The following DCPS variants were observed in gnomAD, a reference collection of about 807,000 sequenced individuals.
DCPS encodes the protein decapping enzyme, scavenger.
In DCPS, 27 loss-of-function variants were observed where a neutral mutation model predicts 34.7. The observed-to-expected ratio is 0.78, with a 90% CI of 0.57 to 1.07. The LOEUF (loss-of-function observed/expected upper bound fraction) is 1.07, where lower values mean the gene tolerates loss of function less well. Among genes scored for constraint, DCPS ranks in the 50% least tolerant of loss-of-function variants. The pLI is 0.00. For synonymous variants in DCPS, 185 were observed against 185.7 expected (o/e 1.00, Z 0.03); for missense variants, 464 against 436.9 (o/e 1.06, Z -0.55).
At position 126,312,385 on chromosome 11, in the gene DCPS, C is replaced by T. The variant is rs1038948434; in HGVS notation, c.376+5641C>T. Among the ~76,000 whole-genome samples, 1 of 152,060 alleles carries T rather than the reference C, an allele frequency of 6.6e-6. No homozygotes were observed. Among genetic ancestry groups the T allele is most frequent in the Non-Finnish European group, 1.5e-5 (1 of 68,022 alleles). ...GCAGAATCTCTCTCTGTCACCCAGG[C>T]TGGAGTGCAGTGGTGCGATCTCGGC... On this transcript the variant is annotated intron_variant, in intron 2 of 5. Coordinates refer to ENST00000263579, the MANE Select transcript of DCPS (RefSeq NM_014026.6). The surrounding 1 kb of genome is among the most constrained non-coding windows in gnomAD (Gnocchi z 5.1).
At chr11:126,314,055 C>CT (rs1951638466) in intron 2 of DCPS, among the ~76,000 whole-genome samples, 1 of 152,202 alleles carries the variant, frequency 6.6e-6, no homozygotes, top group African/African-American at 2.4e-5. Context: ...CATTTGTGGA[C>CT]TTTCATTTCT....
In DCPS at chr11:126,345,336, T is replaced by C. The variant is rs1443052874; in HGVS notation, c.748-11T>C. On this transcript the variant is annotated splice_polypyrimidine_tract_variant and intron_variant, in intron 5 of 5. Coordinates refer to ENST00000263579, the MANE Select transcript of DCPS (RefSeq NM_014026.6). This position sits in a 1 kb window ranked among gnomAD's most constrained non-coding sequence, Gnocchi z 7.4. ...CGGTGACTCCTGACCTGCCTGCCCCTGTCTCATCAGGAGGCCATCCTGCAG... is the reference window on the plus strand; with the variant it reads ...CGGTGACTCCTGACCTGCCTGCCCCCGTCTCATCAGGAGGCCATCCTGCAG... 2.5e-6 allele frequency: 4 copies of C among 1,613,402 alleles called. No homozygotes were observed. The highest frequency in any genetic ancestry group is 2.7e-5 in the African/African-American group (2 of 75,032).
In DCPS at chr11:126,319,753, C is replaced by G. The variant is rs566296026; in HGVS notation, c.377-11652C>G. On this transcript the variant is annotated intron_variant, in intron 2 of 5. Transcript: ENST00000263579. This position sits in a 1 kb window ranked among gnomAD's most constrained non-coding sequence, Gnocchi z 4.5. ...GGCCCCAGCACAGGTATCTTAGGAA[C>G]GGCCCGAAAGAGGTTGGGCCTTTGG... is the stretch of plus-strand genomic sequence containing the variant. Among the ~76,000 whole-genome samples the G allele has an allele frequency of 7.9e-5, 12 of 152,260 alleles. No homozygotes were observed. The highest frequency in any genetic ancestry group is 2.9e-4 in the African/African-American group (12 of 41,550).
At chr11:126,305,300 G>C (rs1431564712) in intron 1 of DCPS, among the ~76,000 whole-genome samples, 1 of 151,452 alleles carries the variant, frequency 6.6e-6, no homozygotes, top group Non-Finnish European at 1.5e-5. Context: ...TTTTAGTAGA[G>C]ATGGGGGTTT....
In DCPS at chr11:126,323,593, T is replaced by G. The variant is rs1183014337; in HGVS notation, c.377-7812T>G. 2.0e-5 allele frequency among the ~76,000 whole-genome samples: 3 copies of G among 151,990 alleles called. No homozygotes were observed. Among genetic ancestry groups the G allele is most frequent in the Non-Finnish European group, 4.4e-5 (3 of 67,992 alleles). On this transcript the variant is annotated intron_variant, in intron 2 of 5. Transcript: ENST00000263579. This position sits in a 1 kb window ranked among gnomAD's most constrained non-coding sequence, Gnocchi z 4.4. ...CTCAGTCACCCAGGCTGGAGCGCAG[T>G]GGCACGATCACAGCTCACTGCAGCC...
chr11:126,336,353 C>T lies in DCPS; in HGVS notation c.523-1933C>T, dbSNP rs1951832298. 6.6e-6 allele frequency: 1 copy of T among 152,378 alleles called. No individual in the cohort carries two copies. Among genetic ancestry groups the T allele is most frequent in the African/African-American group, 2.4e-5 (1 of 41,452 alleles). The allele number at this position is 152,378 out of a possible 1,614,324, so 9.4% of individuals were successfully genotyped here. Reference sequence around the variant, plus strand: ...TAGCCTCTGGCATACCATCCCACCACCTTTGCCACTCGTGGGGGTCTCCCT... The same window carrying T: ...TAGCCTCTGGCATACCATCCCACCATCTTTGCCACTCGTGGGGGTCTCCCT... On this transcript the variant is annotated intron_variant, in intron 3 of 5. Coordinates refer to ENST00000263579, the MANE Select transcript of DCPS (RefSeq NM_014026.6). The surrounding 1 kb of genome is among the most constrained non-coding windows in gnomAD (Gnocchi z 6.3).
rs1422146738 is a variant in DCPS, at chr11:126,325,355, T to C, written c.377-6050T>C. On this transcript the variant is annotated intron_variant, in intron 2 of 5. Transcript: ENST00000263579. The surrounding 1 kb of genome is among the most constrained non-coding windows in gnomAD (Gnocchi z 4.3). ...GATTTATCAAAAATTGTGGTAAAGT[T>C]GTACTGTGAGGTTGAGGGTTAGGAA... Among the ~76,000 whole-genome samples, 3 of 152,184 alleles carry C rather than the reference T, an allele frequency of 2.0e-5. No individual in the cohort carries two copies. Among genetic ancestry groups the C allele is most frequent in the African/African-American group, 4.8e-5 (2 of 41,446 alleles).
chr11:126,331,109 A>T lies in DCPS; in HGVS notation c.377-296A>T, dbSNP rs1283026885. 6.6e-6 allele frequency among the ~76,000 whole-genome samples: 1 copy of T among 151,676 alleles called. No homozygotes were observed. The highest frequency in any genetic ancestry group is 6.6e-5 in the Admixed American group (1 of 15,234). On this transcript the variant is annotated intron_variant, in intron 2 of 5. Coordinates refer to ENST00000263579, the MANE Select transcript of DCPS (RefSeq NM_014026.6). The surrounding 1 kb of genome is among the most constrained non-coding windows in gnomAD (Gnocchi z 7.2). The stretch of plus-strand genomic sequence containing the variant: ...ATTTGGTATGTGAGAAGAGTTAGAG[A>T]CCTCTCATTCCTGTGCCTGGAAGAT...
rs150425391 is a variant in DCPS at position 126,329,826 on chromosome 11, C to T, written c.377-1579C>T. Among the ~76,000 whole-genome samples the T allele has an allele frequency of 8.2e-4, 125 of 152,156 alleles. No individual in the cohort carries two copies. The highest frequency in any genetic ancestry group is 3.4e-3 in the Middle Eastern group (1 of 294). On this transcript the variant is annotated intron_variant, in intron 2 of 5. Transcript: ENST00000263579. The surrounding 1 kb of genome is among the most constrained non-coding windows in gnomAD (Gnocchi z 5.0). ...GTTGATAGTTCTTAGCCGGGTTTTGCGGTGTGTGAGTGAGTATGAGGACTT... is the reference window on the plus strand; with the variant it reads ...GTTGATAGTTCTTAGCCGGGTTTTGTGGTGTGTGAGTGAGTATGAGGACTT...
intron 2 of DCPS, among the ~76,000 whole-genome samples, chr11:126,321,294 A>G (rs901311110): frequency 2.7e-5 from 4 of 150,766 alleles, no homozygotes; most frequent in African/African-American, 4.9e-5. Flanking sequence ...GTGACACACC[A>G]GGTCTGGAAG....
chr11:126,306,633 T>C lies in DCPS; in HGVS notation c.265T>C (p.Phe89Leu). 1 of 1,613,838 alleles carries C rather than the reference T, an allele frequency of 6.2e-7. No homozygotes were observed. Among genetic ancestry groups the C allele is most frequent in the Non-Finnish European group, 8.5e-7 (1 of 1,179,868 alleles). The change falls in exon 2 of 6, where the codon TTT becomes CTT. Residue 89 changes from phenylalanine to leucine, a missense_variant. Transcript: ENST00000263579. Reference sequence around the variant, plus strand: ...CGTTGTGATCCTGGAGAAGACGCCATTTCAGGTGGAACAGGTGGCTCAGCT... The same window carrying C: ...CGTTGTGATCCTGGAGAAGACGCCACTTCAGGTGGAACAGGTGGCTCAGCT... The part of the protein sequence containing the change: ...DAVVILEKTP[F>L]QVEQVAQLLT...
At chr11:126,310,566 A>G (rs1348011869) in intron 2 of DCPS, among the ~76,000 whole-genome samples, 1 of 152,204 alleles carries the variant, frequency 6.6e-6, no homozygotes, top group Non-Finnish European at 1.5e-5. Context: ...GGTTGGAGCC[A>G]TGTCGCCCAT....
At position 126,322,274 on chromosome 11, in the gene DCPS, A is replaced by AT. The variant is rs11372685; in HGVS notation, c.377-9124dup. 0.2 allele frequency among the ~76,000 whole-genome samples: 31,028 copies of AT among 151,778 alleles called. 3,362 individuals carry two copies. Among genetic ancestry groups the AT allele is most frequent in the Non-Finnish European group, 0.24 (16,351 of 67,922 alleles). The stretch of plus-strand genomic sequence containing the variant: ...GATCTTCTTATTTTTATTTATTTTT[A>AT]TTTTTTTGAGACAGAGTCTCACTTT... On this transcript the variant is annotated intron_variant, in intron 2 of 5. Coordinates refer to ENST00000263579, the MANE Select transcript of DCPS (RefSeq NM_014026.6). This position sits in a 1 kb window ranked among gnomAD's most constrained non-coding sequence, Gnocchi z 4.2.
rs1472687660 is a variant in DCPS, at chr11:126,338,264, ATC to A, written c.523-15_523-14del. ...GGGGTGATGAGTGGATTTGTGAACC[ATC>A]TCTCTCCCCCTCCTTTCAGTGGGTG... On this transcript the variant is annotated intron_variant, in intron 3 of 5. Transcript: ENST00000263579. This position sits in a 1 kb window ranked among gnomAD's most constrained non-coding sequence, Gnocchi z 5.4. 1.2e-6 allele frequency: 2 copies of A among 1,611,172 alleles called. No individual in the cohort carries two copies. Among genetic ancestry groups the A allele is most frequent in the African/African-American group, 1.3e-5 (1 of 74,834 alleles).
chr11:126,343,226 G>C (rs1013172429), intron 4 of DCPS, 81 bp from the exon 5 acceptor site: 2 of 1,196,334 alleles, frequency 1.7e-6, no homozygotes, highest in Admixed American at 2.0e-5. Context: ...GTGCTTCCTG[G>C]CTTACGTGAG....
intron 4 of DCPS, chr11:126,340,852 C>T (rs550593587): frequency 2.0e-5 from 3 of 152,260 alleles, no homozygotes; most frequent in Non-Finnish European, 2.9e-5. Context: ...TTATAACATC[C>T]CTTCTTCTGT....
At position 126,331,078 on chromosome 11, in the gene DCPS, C is replaced by T. The variant is rs1169686972; in HGVS notation, c.377-327C>T. ...GCTTTGGGTCCAGAAAGCCACATAC[C>T]TAGAAATTTGGTATGTGAGAAGAGT... is the stretch of plus-strand genomic sequence containing the variant. On this transcript the variant is annotated intron_variant, in intron 2 of 5. Transcript: ENST00000263579. This position sits in a 1 kb window ranked among gnomAD's most constrained non-coding sequence, Gnocchi z 7.2. 6.6e-6 allele frequency among the ~76,000 whole-genome samples: 1 copy of T among 152,024 alleles called. No homozygotes were observed. Among genetic ancestry groups the T allele is most frequent in the Non-Finnish European group, 1.5e-5 (1 of 67,994 alleles).
intron 2 of DCPS, among the ~76,000 whole-genome samples, chr11:126,330,160 G>C (rs138166735): frequency 2.2e-3 from 341 of 152,148 alleles, no homozygotes; most frequent in African/African-American, 7.5e-3. Context: ...GTTTAAAACT[G>C]TGCTTCTCAC....
rs563749838 is a variant in DCPS at position 126,313,726 on chromosome 11, G to A, written c.376+6982G>A. Reference sequence around the variant, plus strand: ...ATCAGGGAGGTGATTATCCTTGGTCGGGGTGTGGCAGGACAGAGAGAATGT... The same window carrying A: ...ATCAGGGAGGTGATTATCCTTGGTCAGGGTGTGGCAGGACAGAGAGAATGT... On this transcript the variant is annotated intron_variant, in intron 2 of 5. Coordinates refer to ENST00000263579, the MANE Select transcript of DCPS (RefSeq NM_014026.6). This position sits in a 1 kb window ranked among gnomAD's most constrained non-coding sequence, Gnocchi z 4.9. Among the ~76,000 whole-genome samples, 3 of 152,304 alleles carry A rather than the reference G, an allele frequency of 2.0e-5. No individual in the cohort carries two copies. Among genetic ancestry groups the A allele is most frequent in the Admixed American group, 6.5e-5 (1 of 15,302 alleles).
Sources: allele counts gnomAD v4.1 joint callset (sites outside exome capture counted in the v4.1 genomes callset), GRCh38; gene constraint gnomAD v4.1.1; non-coding constraint Gnocchi (gnomAD v3.1); transcripts MANE v1.5; gene names NCBI Gene and HGNC (gene_info 2026-07-23, HGNC 2026-07-21).